TPST1: variants seen among roughly 807,000 people sequenced by gnomAD.
TPST1 encodes protein-tyrosine sulfotransferase 1.
A neutral mutation model predicts 34.8 loss-of-function variants in TPST1; 20 were observed. The observed-to-expected ratio is 0.57, with a 90% CI of 0.40 to 0.84. The LOEUF is 0.84. Ranked by LOEUF, TPST1 falls within the 40% of genes least tolerant of loss-of-function variation. TPST1 has a pLI of 0.00. For synonymous variants in TPST1, 152 were observed against 159.4 expected (o/e 0.95, Z 0.35); for missense variants, 353 against 455.5 (o/e 0.78, Z 2.05).
At chr7:66,257,882 A>G (rs977057603) in intron 2 of TPST1, among the ~76,000 whole-genome samples, 82 of 152,170 alleles carry the variant, frequency 5.4e-4, no homozygotes, top group African/African-American at 2.0e-3. Context: ...GTAGCCCACC[A>G]CAAAGGTTGT....
intron 1 of TPST1, among the ~76,000 whole-genome samples, chr7:66,212,616 G>T (rs12534500): frequency 6.6e-6 from 1 of 151,650 alleles, no homozygotes; most frequent in African/African-American, 2.4e-5. Flanking sequence ...CCCGCTACCA[G>T]GCCCAGCTAA....
intron 1 of TPST1, among the ~76,000 whole-genome samples, chr7:66,208,198 G>T (rs1490696391): frequency 6.6e-6 from 1 of 152,130 alleles, no homozygotes; most frequent in Non-Finnish European, 1.5e-5. Flanking sequence ...TCTGTAGCAT[G>T]GGCGCATCCC....
chr7:66,274,346 G>A (rs961538022), intron 2 of TPST1, among the ~76,000 whole-genome samples: 27 of 150,534 alleles, frequency 1.8e-4, no homozygotes, highest in African/African-American at 5.9e-4. Context: ...CAGCCTGGGC[G>A]ACAGAGTGAG....
intron 3 of TPST1, among the ~76,000 whole-genome samples, chr7:66,336,662 A>G (rs1792127758): frequency 1.3e-5 from 2 of 152,206 alleles, no homozygotes; most frequent in Admixed American, 6.5e-5. Flanking sequence ...GATGAGGAAG[A>G]AAAGGGTGTA....
intron 1 of TPST1, among the ~76,000 whole-genome samples, chr7:66,215,823 A>G (rs1584139594): frequency 7.9e-6 from 1 of 126,098 alleles, no homozygotes; most frequent in African/African-American, 3.2e-5. Flanking sequence ...CCCAGGCTGG[A>G]GTGCAGTGGC....
chr7:66,296,435 A>G (rs1791200050), intron 3 of TPST1, among the ~76,000 whole-genome samples: 1 of 152,080 alleles, frequency 6.6e-6, no homozygotes, highest in South Asian at 2.1e-4. Context: ...GTGTATCTTC[A>G]AAGCTTTTTT....
At chr7:66,265,109 T>A (rs1050010077) in intron 2 of TPST1, among the ~76,000 whole-genome samples, 6 of 152,170 alleles carry the variant, frequency 3.9e-5, no homozygotes, top group African/African-American at 1.2e-4. Context: ...ATTGACTTTA[T>A]CTAATTTGAA....
chr7:66,217,728 G>A (rs1789454129), intron 1 of TPST1, among the ~76,000 whole-genome samples: 1 of 151,664 alleles, frequency 6.6e-6, no homozygotes, highest in Non-Finnish European at 1.5e-5. Context: ...GGGACTACAG[G>A]CGTGTGCCAC....
At chr7:66,355,897 T>A (rs1375561929) in intron 4 of TPST1, among the ~76,000 whole-genome samples, 6 of 93,682 alleles carry the variant, frequency 6.4e-5, no homozygotes, top group South Asian at 4.1e-4. Context: ...AGAGCAAGAC[T>A]CCATCAAAAA....
intron 3 of TPST1, among the ~76,000 whole-genome samples, chr7:66,341,644 T>G (rs1178471758): frequency 6.6e-6 from 1 of 152,174 alleles, no homozygotes; most frequent in African/African-American, 2.4e-5. Flanking sequence ...ACACCCATAA[T>G]TATACTCAAC....
intron 3 of TPST1, among the ~76,000 whole-genome samples, chr7:66,343,502 CA>C (rs1276380568): frequency 1.3e-5 from 2 of 152,044 alleles, no homozygotes; most frequent in Non-Finnish European, 2.9e-5. Flanking sequence ...CAGACGTCAG[CA>C]TCACACAAAA....
intron 3 of TPST1, among the ~76,000 whole-genome samples, chr7:66,298,903 C>T (rs972602543): frequency 6.6e-6 from 1 of 151,866 alleles, no homozygotes; most frequent in Non-Finnish European, 1.5e-5. Context: ...GCAGGTGGAT[C>T]ACAAGGTCAG....
intron 2 of TPST1, among the ~76,000 whole-genome samples, chr7:66,242,966 G>T (rs1195135490): frequency 2.0e-5 from 3 of 152,166 alleles, no homozygotes; most frequent in African/African-American, 7.2e-5. Context: ...AAATTAACAT[G>T]TCACAATCAT....
intron 4 of TPST1, among the ~76,000 whole-genome samples, chr7:66,354,430 AC>A (rs1302337531): frequency 6.9e-6 from 1 of 144,940 alleles, no homozygotes; most frequent in Non-Finnish European, 1.5e-5. Flanking sequence ...ACACAGTGAC[AC>A]CCCGTCTCTA....
At chr7:66,327,080 C>T (rs1791882158) in intron 3 of TPST1, among the ~76,000 whole-genome samples, 1 of 152,148 alleles carries the variant, frequency 6.6e-6, no homozygotes, top group Non-Finnish European at 1.5e-5. Flanking sequence ...CTCCAGATTC[C>T]TTTTTGTGTA....
intron 4 of TPST1, among the ~76,000 whole-genome samples, chr7:66,356,379 C>G (rs1382204887): frequency 6.6e-6 from 1 of 152,186 alleles, no homozygotes; most frequent in Non-Finnish European, 1.5e-5. Context: ...CACTGAACTT[C>G]CACACCCAGC....
At chr7:66,320,397 G>A (rs1448676823) in intron 3 of TPST1, among the ~76,000 whole-genome samples, 4 of 151,036 alleles carry the variant, frequency 2.6e-5, no homozygotes, top group Admixed American at 6.6e-5. Flanking sequence ...ACAGGCGCCC[G>A]CCACCATGCC....
intron 1 of TPST1, among the ~76,000 whole-genome samples, chr7:66,230,462 C>G (rs942953696): frequency 6.6e-6 from 1 of 152,088 alleles, no homozygotes; most frequent in Non-Finnish European, 1.5e-5. Context: ...CGGCTGTGTT[C>G]GGAGTTTCTT....
chr7:66,240,555 T>C lies in TPST1; in HGVS notation c.130T>C (p.Leu44=), dbSNP rs536171252. Residue 44 remains leucine, a synonymous_variant, in exon 2 of 6, where the codon TTG becomes CTG. Transcript: ENST00000304842. ...RIEERSQPVK[L]ESTRTTVRTG... is the part of the protein sequence containing the mutation. ...AGAGGAACGTAGCCAGCCAGTCAAA[T>C]TGGAGAGCACAAGGACCACTGTGAG... 1 of 1,614,166 alleles carries C rather than the reference T, an allele frequency of 6.2e-7. No individual in the cohort carries two copies. The highest frequency in any genetic ancestry group is 1.1e-5 in the South Asian group (1 of 91,080).
Sources: allele counts gnomAD v4.1 joint callset (sites outside exome capture counted in the v4.1 genomes callset), GRCh38; gene constraint gnomAD v4.1.1; transcripts MANE v1.5; gene names NCBI Gene and HGNC (gene_info 2026-07-23, HGNC 2026-07-21).